Variants in ASIC2 observed in about 807,000 individuals in gnomAD.
The protein encoded by ASIC2 is acid sensing ion channel subunit 2.
Under a neutral mutation model 57.3 loss-of-function variants are expected in ASIC2, and 25 were observed. The observed-to-expected ratio is 0.44, with a 90% CI of 0.32 to 0.61. The LOEUF is 0.61. Among genes scored for constraint, ASIC2 ranks in the 20% least tolerant of loss-of-function variants. ASIC2 has a pLI of 0.06. For synonymous variants in ASIC2, 319 were observed against 307.5 expected, an observed-to-expected ratio of 1.04 and a Z score of -0.39; for missense variants, 641 against 738.1, an observed-to-expected ratio of 0.87 and a Z score of 1.52.
intron 1 of ASIC2, chr17:33,681,033 G>A (rs562568357): frequency 2.0e-5 from 3 of 152,326 alleles, no homozygotes; most frequent in Admixed American, 1.3e-4. Context: ...CAACCAGATA[G>A]GGAGTTTCTT....
At chr17:33,836,510 T>TTAATATTTGCAA (rs1462298072) in intron 1 of ASIC2, among the ~76,000 whole-genome samples, 7 of 151,970 alleles carry the variant, frequency 4.6e-5, no homozygotes, top group African/African-American at 1.7e-4. Context: ...AAGAGGCAAA[T>TTAATATTTGCAA]ACTATTATTA....
intron 1 of ASIC2, among the ~76,000 whole-genome samples, chr17:33,492,008 G>GAATGCAAAAGATTAA (rs1913776135): frequency 6.6e-6 from 1 of 152,160 alleles, no homozygotes; most frequent in Non-Finnish European, 1.5e-5. Flanking sequence ...TTAAGATCCT[G>GAATGCAAAAGATTAA]TCTCCCTCTA....
At chr17:33,909,108 T>C (rs1915408316) in intron 1 of ASIC2, among the ~76,000 whole-genome samples, 1 of 152,188 alleles carries the variant, frequency 6.6e-6, no homozygotes, top group African/African-American at 2.4e-5. Context: ...TATCATCAAC[T>C]ATCTTCCATG....
chr17:33,291,436 T>G lies in ASIC2; in HGVS notation c.680A>C (p.Glu227Ala). The G allele has an allele frequency of 6.2e-7, 1 of 1,605,264 alleles. No individual in the cohort carries two copies. The highest frequency in any genetic ancestry group is 8.5e-7 in the Non-Finnish European group (1 of 1,175,484). ...GGAGAAGTTGTGCGGCCCGCAGAGC[T>G]CGCCGCGGTACTTGCAGGAGAGCAG... ...DMLLSCKYRGELCGPHNFSSV... is the reference protein window; with the variant it reads ...DMLLSCKYRGALCGPHNFSSV... Residue 227 changes from glutamate to alanine, a missense_variant, in exon 1 of 10, where the codon GAG becomes GCG. Coordinates refer to ENST00000225823, the MANE Select transcript of ASIC2 (RefSeq NM_183377.2).
chr17:33,269,683 C>CTTTTT (rs1567805276), intron 1 of ASIC2, among the ~76,000 whole-genome samples: 2 of 64,204 alleles, frequency 3.1e-5, no homozygotes, highest in African/African-American at 5.2e-5. Flanking sequence ...TCCCTCCCTC[C>CTTTTT]CTCCTGCCTG....
At chr17:33,232,325 C>T (rs953811793) in intron 1 of ASIC2, among the ~76,000 whole-genome samples, 5 of 152,104 alleles carry the variant, frequency 3.3e-5, no homozygotes, top group Admixed American at 3.3e-4. Flanking sequence ...CTTAGCCTTC[C>T]CAGTCTCCAA....
At chr17:33,967,436 C>T (rs960190487) in intron 1 of ASIC2, among the ~76,000 whole-genome samples, 1 of 152,174 alleles carries the variant, frequency 6.6e-6, no homozygotes, top group African/African-American at 2.4e-5. Flanking sequence ...GGTTTCTCCA[C>T]ATAGCCCAGA....
At chr17:34,099,418 A>T (rs1910725930) in intron 1 of ASIC2, among the ~76,000 whole-genome samples, 1 of 142,510 alleles carries the variant, frequency 7.0e-6, no homozygotes, top group Non-Finnish European at 1.5e-5. Context: ...AAGGAAAGAA[A>T]GAATGAAAGA....
intron 1 of ASIC2, among the ~76,000 whole-genome samples, chr17:33,311,412 G>GTGTC (rs1443067926): frequency 7.0e-6 from 1 of 143,098 alleles, no homozygotes; most frequent in Admixed American, 7.2e-5. Context: ...GTATGTGTGT[G>GTGTC]TGTCTGTCTG....
chr17:33,102,869 C>T (rs550044107), intron 2 of ASIC2, among the ~76,000 whole-genome samples: 10 of 152,262 alleles, frequency 6.6e-5, no homozygotes, highest in South Asian at 2.1e-4. Context: ...CTGCAAGCTC[C>T]GCCTTCCAGG....
At chr17:33,042,805 G>A (rs894013903) in intron 3 of ASIC2, among the ~76,000 whole-genome samples, 2 of 152,226 alleles carry the variant, frequency 1.3e-5, no homozygotes, top group African/African-American at 2.4e-5. Flanking sequence ...AGTGGCTGGA[G>A]GCCATTGCAG....
intron 3 of ASIC2, among the ~76,000 whole-genome samples, chr17:33,038,920 C>T (rs1426969163): frequency 6.6e-6 from 1 of 152,190 alleles, no homozygotes; most frequent in South Asian, 2.1e-4. Flanking sequence ...AAGGGGAGTC[C>T]AGCCAATCTC....
chr17:33,286,869 T>C (rs1236453041), intron 1 of ASIC2, among the ~76,000 whole-genome samples: 1 of 152,138 alleles, frequency 6.6e-6, no homozygotes, highest in African/African-American at 2.4e-5. Context: ...CAGCAGCTAG[T>C]ACAGAAACTT....
At chr17:34,041,590 C>A (rs1247658249) in intron 1 of ASIC2, among the ~76,000 whole-genome samples, 2 of 152,182 alleles carry the variant, frequency 1.3e-5, no homozygotes, top group Non-Finnish European at 2.9e-5. Flanking sequence ...GATATTAACT[C>A]CTCATATGGT....
At chr17:33,226,073 G>A (rs1417547928) in intron 1 of ASIC2, among the ~76,000 whole-genome samples, 1 of 152,178 alleles carries the variant, frequency 6.6e-6, no homozygotes, top group Admixed American at 6.5e-5. Context: ...AGACAGGCAA[G>A]TAAACAAATA....
At chr17:34,119,612 GACAC>G (rs71369048) in intron 1 of ASIC2, among the ~76,000 whole-genome samples, 20,110 of 147,898 alleles carry the variant, frequency 0.14, 1,394 homozygotes, top group Admixed American at 0.19. Flanking sequence ...TCTCTACACA[GACAC>G]ACACACACAC....
intron 1 of ASIC2, among the ~76,000 whole-genome samples, chr17:33,782,129 G>A (rs1439089384): frequency 1.3e-5 from 2 of 151,992 alleles, no homozygotes; most frequent in African/African-American, 4.8e-5. Flanking sequence ...TTTCAACCAG[G>A]GTCTTTTGTA....
At chr17:33,123,866 G>A in intron 1 of ASIC2, among the ~76,000 whole-genome samples, 1 of 152,230 alleles carries the variant, frequency 6.6e-6, no homozygotes, top group East Asian at 1.9e-4. Context: ...GTGTGGAATG[G>A]GAGAAGGAAG....
chr17:33,237,579 A>G (rs1908344157), intron 1 of ASIC2, among the ~76,000 whole-genome samples: 1 of 151,862 alleles, frequency 6.6e-6, no homozygotes, highest in South Asian at 2.1e-4. Context: ...CGAACTCCCG[A>G]CCTCGGCCTC....
Sources: allele counts gnomAD v4.1 joint callset (sites outside exome capture counted in the v4.1 genomes callset), GRCh38; gene constraint gnomAD v4.1.1; transcripts MANE v1.5; gene names NCBI Gene and HGNC (gene_info 2026-07-23, HGNC 2026-07-21).